Variants in FBXL5 observed in about 807,000 individuals in gnomAD.
The protein encoded by FBXL5 is F-box/LRR-repeat protein 5.
Under a neutral mutation model 78.3 loss-of-function variants are expected in FBXL5, and 26 were observed. The ratio of observed to expected loss-of-function variants is 0.33; its 90% CI spans 0.24 to 0.46. The LOEUF (loss-of-function observed/expected upper bound fraction) is 0.46. FBXL5 is among the 20% of genes least tolerant of loss of function. FBXL5 has a pLI of 1.00. For missense variants in FBXL5, 710 were observed against 829.2 expected (o/e 0.86, Z 1.77); for synonymous variants, 295 against 282.5 (o/e 1.04, Z -0.45).
chr4:15,635,806 C>A (rs1477579525), intron 5 of FBXL5, among the ~76,000 whole-genome samples: 1 of 149,478 alleles, frequency 6.7e-6, no homozygotes, highest in Admixed American at 6.7e-5. Context: ...TGTTTTAACT[C>A]AGTGACAGAA....
intron 1 of FBXL5, among the ~76,000 whole-genome samples, chr4:15,669,031 T>C (rs1355368876): frequency 1.3e-5 from 2 of 152,206 alleles, no homozygotes; most frequent in East Asian, 3.8e-4. Flanking sequence ...TAGAGAAATG[T>C]AGGAAGATCG....
At chr4:15,638,876 A>T (rs1451042823) in intron 3 of FBXL5, among the ~76,000 whole-genome samples, 182 bp from the exon 4 acceptor site, 1 of 152,204 alleles carries the variant, frequency 6.6e-6, no homozygotes, top group Non-Finnish European at 1.5e-5. Context: ...TACACCAAGA[A>T]GATCCTGGCC....
chr4:15,644,610 T>A lies in FBXL5; in HGVS notation c.183A>T (p.Glu61Asp). 7 of 1,614,164 alleles carry A rather than the reference T, an allele frequency of 4.3e-6. No homozygotes were observed. The highest frequency in any genetic ancestry group is 5.9e-6 in the Non-Finnish European group (7 of 1,179,998). Residue 61 changes from glutamate (E) to aspartate (D), a missense_variant, in exon 2 of 11, where the codon GAA becomes GAT. Physicochemically the swap from Glu to Asp is conservative, Grantham distance 45. Around this residue, in one of 4 missense-constraint regions of FBXL5, gnomAD observed 132 missense variants for 156.9 expected, o/e 0.84. Coordinates refer to ENST00000341285, the MANE Select transcript of FBXL5 (RefSeq NM_012161.4). ...GAAGCAAACCAATAATGTATTCATT[T>A]TCAATCTGCTCATGCATTTTGAACT... Reference protein sequence around the residue: ...FKEFKMHEQIENEYIIGLLQQ... With the variant: ...FKEFKMHEQIDNEYIIGLLQQ...
intron 1 of FBXL5, among the ~76,000 whole-genome samples, chr4:15,674,587 CCTT>C (rs1717899314): frequency 6.6e-6 from 1 of 151,662 alleles, no homozygotes; most frequent in Admixed American, 6.6e-5. Context: ...AATCATAAAA[CCTT>C]CTTTTCTCCT....
chr4:15,638,961 T>C (rs1305462554), intron 3 of FBXL5, among the ~76,000 whole-genome samples: 1 of 152,044 alleles, frequency 6.6e-6, no homozygotes, highest in Non-Finnish European at 1.5e-5. Context: ...GGTCGGGAGT[T>C]CGAGACCAAC....
At chr4:15,606,711 C>A (rs1721911034) in intron 10 of FBXL5, among the ~76,000 whole-genome samples, 1 of 152,022 alleles carries the variant, frequency 6.6e-6, no homozygotes, top group African/African-American at 2.4e-5. Context: ...ACAAGAACAA[C>A]CAAAATACTT....
chr4:15,605,622 C>A lies in FBXL5; in HGVS notation c.*101G>T. 1 of 952,874 alleles carries A rather than the reference C, an allele frequency of 1.0e-6. No individual in the cohort carries two copies. The highest frequency in any genetic ancestry group is 2.6e-5 in the East Asian group (1 of 38,456). 59.0% of individuals were successfully genotyped at this position (952,874 alleles called of 1,614,324 possible). A position where few individuals can be genotyped will look rare whatever the true frequency, so the allele number is the denominator to read the frequency against. ...AGAAATGGGGCCAAAACAAGTCACG[C>A]TCAAAAAGGGATGGTTAACACAAGA... On this transcript the variant is annotated 3_prime_UTR_variant, in exon 11 of 11. Transcript: ENST00000341285.
In FBXL5 at chr4:15,667,010, C is replaced by T. The variant is rs1347585883; in HGVS notation, c.-283-7088G>A. 3.3e-5 allele frequency among the ~76,000 whole-genome samples: 5 copies of T among 152,188 alleles called. No individual in the cohort carries two copies. The East Asian group carries it at 5.8e-4, about 18-fold the overall frequency. On this transcript the variant is annotated intron_variant, in intron 1 of 4. Transcript: ENST00000507899. Reference sequence around the variant, plus strand: ...ATTATAAATTATCAATCAAAATAATCGTAATTTTAAAATTACTGGATGTTG... The same window carrying T: ...ATTATAAATTATCAATCAAAATAATTGTAATTTTAAAATTACTGGATGTTG...
chr4:15,677,237 T>A (rs1236056408), intron 1 of FBXL5, among the ~76,000 whole-genome samples: 1 of 152,232 alleles, frequency 6.6e-6, no homozygotes, highest in East Asian at 1.9e-4. Context: ...TGGGTATATA[T>A]GTTCGTCTTA....
At chr4:15,631,701 C>G (rs1713684374) in intron 5 of FBXL5, among the ~76,000 whole-genome samples, 1 of 152,194 alleles carries the variant, frequency 6.6e-6, no homozygotes, top group Non-Finnish European at 1.5e-5. Context: ...TGTCTGTTGG[C>G]TGCATAAACG....
rs778148751 is a variant in FBXL5 at position 15,626,899 on chromosome 4, A to G, written c.1098T>C (p.Thr366=). Residue 366 remains threonine, a synonymous_variant, in exon 8 of 11, where the codon ACT becomes ACC. Coordinates refer to ENST00000341285, the MANE Select transcript of FBXL5 (RefSeq NM_012161.4). ...TGTCAAATGCAGAATCTGAAATGTC[A>G]GTCTGGGTAAGATCCAGATGCTCCA... ...PNLEHLDLTQ[T]DISDSAFDSW... is the part of the protein sequence containing the mutation. 1.2e-6 allele frequency: 2 copies of G among 1,611,140 alleles called. No homozygotes were observed. Among genetic ancestry groups the G allele is most frequent in the South Asian group, 2.2e-5 (2 of 90,234 alleles).
chr4:15,630,374 A>G (rs953248367), intron 6 of FBXL5, among the ~76,000 whole-genome samples: 2 of 152,190 alleles, frequency 1.3e-5, no homozygotes, highest in Non-Finnish European at 2.9e-5. Context: ...ATCACATTGT[A>G]AACTACAAAG....
chr4:15,636,453 A>G (rs1325723549), intron 5 of FBXL5, 41 bp downstream of exon 5: 6 of 1,416,812 alleles, frequency 4.2e-6, no homozygotes, highest in Admixed American at 5.1e-5. Context: ...ATATTCATCT[A>G]GAAAAATACA....
At chr4:15,680,603 G>A (rs1308041459) in intron 1 of FBXL5, among the ~76,000 whole-genome samples, 5 of 152,070 alleles carry the variant, frequency 3.3e-5, no homozygotes, top group Non-Finnish European at 7.4e-5. Context: ...CTTGAACCAG[G>A]AGGCTGAGGT....
At chr4:15,634,456 C>T (rs1297276055) in intron 5 of FBXL5, among the ~76,000 whole-genome samples, 1 of 152,134 alleles carries the variant, frequency 6.6e-6, no homozygotes, top group Admixed American at 6.5e-5. Flanking sequence ...ACCTCTGCCT[C>T]CCGGGTTCAA....
chr4:15,612,452 T>A (rs1722337531), intron 9 of FBXL5, 38 bp from the exon 10 acceptor site: 1 of 1,552,758 alleles, frequency 6.4e-7, no homozygotes, highest in South Asian at 1.2e-5. Context: ...AAGATACTAA[T>A]CTATAAAAAT....
chr4:15,621,384 T>G (rs1712466055), intron 9 of FBXL5, among the ~76,000 whole-genome samples: 3 of 152,166 alleles, frequency 2.0e-5, no homozygotes, highest in Admixed American at 2.0e-4. Context: ...TATTTAAGAA[T>G]AAATTTAACC....
At chr4:15,651,897 T>C (rs1716109865) in intron 1 of FBXL5, among the ~76,000 whole-genome samples, 1 of 152,188 alleles carries the variant, frequency 6.6e-6, no homozygotes, top group Non-Finnish European at 1.5e-5. Flanking sequence ...CAGAAATCAA[T>C]TCAAAGAGAC....
At chr4:15,657,249 T>C (rs917706118), upstream of FBXL5, among the ~76,000 whole-genome samples, 23 of 152,208 alleles carry the variant, frequency 1.5e-4, no homozygotes, top group Admixed American at 1.2e-3. Context: ...ACCAGTTATA[T>C]AGAGAAATGA....
Sources: allele counts gnomAD v4.1 joint callset (sites outside exome capture counted in the v4.1 genomes callset), GRCh38; gene constraint gnomAD v4.1.1; regional missense constraint gnomAD v4.1.1; transcripts MANE v1.5; gene names NCBI Gene and HGNC (gene_info 2026-07-23, HGNC 2026-07-21).